TNFSF4: variants seen among roughly 807,000 people sequenced by gnomAD.
TNFSF4 encodes the protein tumor necrosis factor ligand superfamily member 4.
A neutral mutation model predicts 7.3 loss-of-function variants in TNFSF4; 4 were observed. That is an observed-to-expected ratio of 0.55 (90% CI 0.27 to 1.25). The LOEUF (loss-of-function observed/expected upper bound fraction) is 1.25, where lower values mean the gene tolerates loss of function less well. TNFSF4 is among the 50% of genes most tolerant of loss of function. TNFSF4 has a pLI of 0.12. For missense variants in TNFSF4, 181 were observed against 208.8 expected, an observed-to-expected ratio of 0.87 and a Z score of 0.82; for synonymous variants, 76 against 83.7, an observed-to-expected ratio of 0.91 and a Z score of 0.50.
the TNFSF4 span, chr1:173,363,137 G>A: frequency 3.1e-6 from 1 of 327,138 alleles, no homozygotes; most frequent in Non-Finnish European, 6.1e-6. Context: ...TTTTCTTTCT[G>A]CAAGGGCCTG....
At chr1:173,174,335 T>C in the TNFSF4 span, 1 of 152,196 alleles carries the variant, frequency 6.6e-6, no homozygotes, top group Non-Finnish European at 1.5e-5. Flanking sequence ...TCCAAACTGT[T>C]CCAACCTCTA....
the TNFSF4 span, among the ~76,000 whole-genome samples, chr1:173,408,883 C>G: frequency 6.6e-6 from 1 of 152,152 alleles, no homozygotes; most frequent in East Asian, 1.9e-4. Context: ...AGCCACTGCA[C>G]CTGGCCAGAA....
the TNFSF4 span, among the ~76,000 whole-genome samples, chr1:173,359,466 GA>G: frequency 6.7e-4 from 2 of 2,982 alleles, no homozygotes; most frequent in Non-Finnish European, 1.4e-3. Context: ...AAAAAAAAAA[GA>G]AAAGAAAAAA....
At chr1:173,292,490 A>G in the TNFSF4 span, among the ~76,000 whole-genome samples, 3 of 152,158 alleles carry the variant, frequency 2.0e-5, no homozygotes, top group South Asian at 2.1e-4. Context: ...GCTCAAAATA[A>G]TAAGAGCCAT....
At chr1:173,287,427 G>T in the TNFSF4 span, among the ~76,000 whole-genome samples, 1 of 152,294 alleles carries the variant, frequency 6.6e-6, no homozygotes, top group East Asian at 1.9e-4. Flanking sequence ...AATGCCAAGT[G>T]TTGACAGCAT....
the TNFSF4 span, among the ~76,000 whole-genome samples, chr1:173,386,672 A>G: frequency 6.6e-6 from 1 of 152,146 alleles, no homozygotes. Flanking sequence ...TCAGCATGCA[A>G]CATCAGCCTG....
At chr1:173,397,929 G>C in the TNFSF4 span, among the ~76,000 whole-genome samples, 1 of 152,160 alleles carries the variant, frequency 6.6e-6, no homozygotes, top group Non-Finnish European at 1.5e-5. Context: ...GAATGACATA[G>C]ATTATCATAA....
the TNFSF4 span, among the ~76,000 whole-genome samples, chr1:173,421,029 G>A: frequency 2.0e-5 from 3 of 152,082 alleles, no homozygotes; most frequent in African/African-American, 7.2e-5. Context: ...ACTACACACA[G>A]ACTACACACT....
At chr1:173,238,712 AC>A in the TNFSF4 span, among the ~76,000 whole-genome samples, 1 of 149,328 alleles carries the variant, frequency 6.7e-6, no homozygotes, top group Non-Finnish European at 1.5e-5. Context: ...ATCCCATGTT[AC>A]ACCAGTCAGA....
chr1:173,360,289 A>T, the TNFSF4 span, among the ~76,000 whole-genome samples: 1 of 152,254 alleles, frequency 6.6e-6, no homozygotes, highest in Non-Finnish European at 1.5e-5. Context: ...ACTGTGCCTT[A>T]TGGAATGAGA....
the TNFSF4 span, among the ~76,000 whole-genome samples, chr1:173,294,393 G>C: frequency 6.6e-6 from 1 of 151,960 alleles, no homozygotes; most frequent in East Asian, 1.9e-4. Context: ...ACGAGTAGGA[G>C]TTAAACATTA....
chr1:173,288,217 C>G, the TNFSF4 span, among the ~76,000 whole-genome samples: 1 of 152,066 alleles, frequency 6.6e-6, no homozygotes, highest in African/African-American at 2.4e-5. Flanking sequence ...CTTTGGGAGG[C>G]CAAGGTGGGT....
chr1:173,395,694 C>T, the TNFSF4 span, among the ~76,000 whole-genome samples: 17 of 152,118 alleles, frequency 1.1e-4, no homozygotes, highest in African/African-American at 4.1e-4. Context: ...AACTACTAGC[C>T]TCACAGGGTG....
At chr1:173,237,577 A>G in the TNFSF4 span, among the ~76,000 whole-genome samples, 1 of 152,212 alleles carries the variant, frequency 6.6e-6, no homozygotes, top group South Asian at 2.1e-4. Context: ...TACAAAATCA[A>G]TGTACAAAAA....
At chr1:173,421,327 T>C in the TNFSF4 span, among the ~76,000 whole-genome samples, 1 of 152,142 alleles carries the variant, frequency 6.6e-6, no homozygotes, top group South Asian at 2.1e-4. Flanking sequence ...TTGATAAATT[T>C]GGCAACCTGA....
the TNFSF4 span, among the ~76,000 whole-genome samples, chr1:173,366,547 T>A: frequency 6.6e-6 from 1 of 152,010 alleles, no homozygotes; most frequent in Non-Finnish European, 1.5e-5. Flanking sequence ...AAAAAACAAA[T>A]AAGACCTAGT....
chr1:173,220,023 C>T, the TNFSF4 span, among the ~76,000 whole-genome samples: 2 of 151,868 alleles, frequency 1.3e-5, no homozygotes, highest in Non-Finnish European at 2.9e-5. Context: ...CCAAACAAAA[C>T]CTGTTCCCCA....
At chr1:173,322,587 G>T in the TNFSF4 span, among the ~76,000 whole-genome samples, 1 of 152,150 alleles carries the variant, frequency 6.6e-6, no homozygotes, top group Non-Finnish European at 1.5e-5. Flanking sequence ...GCAGGGCGAG[G>T]CATTGCCTCA....
the TNFSF4 span, among the ~76,000 whole-genome samples, chr1:173,409,529 AT>A: frequency 1.3e-5 from 2 of 152,358 alleles, no homozygotes; most frequent in South Asian, 2.1e-4. Flanking sequence ...TCATTATACT[AT>A]TCTTGCCAGT....
Sources: allele counts gnomAD v4.1 joint callset (sites outside exome capture counted in the v4.1 genomes callset), GRCh38; gene constraint gnomAD v4.1.1; transcripts MANE v1.5; gene names NCBI Gene and HGNC (gene_info 2026-07-23, HGNC 2026-07-21).